The following C19orf12 variants were observed in gnomAD, a reference collection of about 807,000 sequenced individuals.
The protein encoded by C19orf12 is chromosome 19 open reading frame 12.
C19orf12 carries 2 observed loss-of-function variants against 3.8 expected under a neutral mutation model. That is an observed-to-expected ratio of 0.53 (90% confidence interval 0.22 to 1.66). The LOEUF (loss-of-function observed/expected upper bound fraction) is 1.66. Among genes scored for constraint, C19orf12 ranks in the 40% most tolerant of loss-of-function variants. The pLI is 0.20. For synonymous variants in C19orf12, 89 were observed against 84.6 expected (o/e 1.05, Z -0.28); for missense variants, 156 against 188.8 (o/e 0.83, Z 1.02).
At chr19:29,715,008 G>T in intron 1 of C19orf12, 117 bp downstream of exon 1, 1 of 709,424 alleles carries the variant, frequency 1.4e-6, no homozygotes. Flanking sequence ...TCCCGGCAGG[G>T]CGGGGACCCT....
intron 2 of C19orf12, among the ~76,000 whole-genome samples, chr19:29,705,731 G>T (rs1293832669): frequency 6.6e-6 from 1 of 151,724 alleles, no homozygotes; most frequent in Non-Finnish European, 1.5e-5. Context: ...TGCCCAGTCC[G>T]GTCTCGAACT....
At position 29,702,897 on chromosome 19, in the gene C19orf12, G is replaced by A. The variant is rs756687848; in HGVS notation, c.241C>T (p.Pro81Ser). 2 of 1,614,222 alleles carry A rather than the reference G, an allele frequency of 1.2e-6. No homozygotes were observed. Among genetic ancestry groups the A allele is most frequent in the Non-Finnish European group, 1.7e-6 (2 of 1,180,040 alleles). ...AAGAGCCTCTGTTGCTCGGCAGGGG[G>A]CAGCTCCATTAGGATCTGAGGAACC... is the stretch of plus-strand genomic sequence containing the variant. ...KPVPQILMELPPAEQQRLFNE... is the reference protein window; with the variant it reads ...KPVPQILMELSPAEQQRLFNE... Residue 81 changes from proline to serine, a missense_variant, in exon 3 of 3, where the codon CCC (proline) becomes TCC (serine). Coordinates refer to ENST00000323670, the MANE Select transcript of C19orf12 (RefSeq NM_031448.6).
chr19:29,704,973 A>G (rs1330119183), intron 2 of C19orf12, among the ~76,000 whole-genome samples: 2 of 152,242 alleles, frequency 1.3e-5, no homozygotes, highest in Admixed American at 6.5e-5. Context: ...CGATTTTTAA[A>G]TATCACCAAT....
At position 29,702,639 on chromosome 19, in the gene C19orf12, C is replaced by A. The variant is rs1972155990; in HGVS notation, c.*73G>T. 3 of 1,602,928 alleles carry A rather than the reference C, an allele frequency of 1.9e-6. No homozygotes were observed. In the Admixed American group the frequency reaches 5.0e-5, roughly 27 times the overall value. On this transcript the variant is annotated 3_prime_UTR_variant, in exon 3 of 3. Transcript: ENST00000323670. Reference sequence around the variant, plus strand: ...CCCAGGGGGCATCCGCTGGGCTTCTCCCAACTCCCAAGCCACCTCTTCAGA... The same window carrying A: ...CCCAGGGGGCATCCGCTGGGCTTCTACCAACTCCCAAGCCACCTCTTCAGA...
rs1177228420 is a variant in C19orf12 at position 29,701,095 on chromosome 19, C to T, written c.*1617G>A. 2 of 454,146 alleles carry T rather than the reference C, an allele frequency of 4.4e-6. No individual in the cohort carries two copies. Among genetic ancestry groups the T allele is most frequent in the South Asian group, 3.1e-5 (2 of 64,484 alleles). 28.1% of individuals were successfully genotyped at this position (454,146 alleles called of 1,614,324 possible). On this transcript the variant is annotated 3_prime_UTR_variant, in exon 3 of 3. Coordinates refer to ENST00000323670, the MANE Select transcript of C19orf12 (RefSeq NM_031448.6). ...TTTAAAGCCACAAATCTGGTACCTT[C>T]CCTCTTGTTCCATTTGTAAGACTTT... is the stretch of plus-strand genomic sequence containing the variant.
chr19:29,699,623 G>C lies in C19orf12; in HGVS notation c.*3089C>G. On this transcript the variant is annotated 3_prime_UTR_variant, in exon 3 of 3. Coordinates refer to ENST00000323670, the MANE Select transcript of C19orf12 (RefSeq NM_031448.6). Reference sequence around the variant, plus strand: ...AGTTTTTATTTCATTATATTTTCTGGGTTTTTCTAGGTTTTCAGCAACAAA... The same window carrying C: ...AGTTTTTATTTCATTATATTTTCTGCGTTTTTCTAGGTTTTCAGCAACAAA... The C allele has an allele frequency of 2.2e-6, 1 of 453,900 alleles. No individual in the cohort carries two copies. The highest frequency in any genetic ancestry group is 4.4e-6 in the Non-Finnish European group (1 of 226,728). The allele number at this position is 453,900 out of a possible 1,614,324, so 28.1% of individuals were successfully genotyped here. A position where few individuals can be genotyped will look rare whatever the true frequency, so the allele number is the denominator to read the frequency against.
chr19:29,714,157 G>A (rs1242557973), intron 1 of C19orf12, among the ~76,000 whole-genome samples: 2 of 152,088 alleles, frequency 1.3e-5, no homozygotes, highest in African/African-American at 4.8e-5. Flanking sequence ...CGAGTAGCTG[G>A]AACTACAGGT....
At chr19:29,706,251 C>T (rs1462339961) in intron 2 of C19orf12, among the ~76,000 whole-genome samples, 3 of 152,244 alleles carry the variant, frequency 2.0e-5, no homozygotes, top group Non-Finnish European at 4.4e-5. Flanking sequence ...TCCAAGTCGA[C>T]AAGAGTTGCA....
chr19:29,711,597 G>T (rs1338319814), intron 1 of C19orf12, among the ~76,000 whole-genome samples: 4 of 152,178 alleles, frequency 2.6e-5, no homozygotes, highest in Non-Finnish European at 1.5e-5. Flanking sequence ...TGCCATGCTT[G>T]GTCTGCAAGG....
chr19:29,699,458 G>C lies in C19orf12; in HGVS notation c.*3254C>G, dbSNP rs771314625. 2 of 413,200 alleles carry C rather than the reference G, an allele frequency of 4.8e-6. No individual in the cohort carries two copies. Among genetic ancestry groups the C allele is most frequent in the Non-Finnish European group, 9.3e-6 (2 of 215,654 alleles). The allele number at this position is 413,200 out of a possible 1,614,324, so 25.6% of individuals were successfully genotyped here. A position where few individuals can be genotyped will look rare whatever the true frequency, so the allele number is the denominator to read the frequency against. On this transcript the variant is annotated 3_prime_UTR_variant, in exon 3 of 3. Transcript: ENST00000323670. ...AGATCGCGCTACTGCACTCCAGCCC[G>C]GGCGACAGTGCGAGACTCCATCTCA...
In C19orf12 at chr19:29,699,347, G is replaced by C. The variant is rs1391651467; in HGVS notation, c.*3365C>G. On this transcript the variant is annotated 3_prime_UTR_variant, in exon 3 of 3. Coordinates refer to ENST00000323670, the MANE Select transcript of C19orf12 (RefSeq NM_031448.6). ...AAAAAATAAAAATTAGCCGGGCATG[G>C]TGGCGGGCGACTGTAGTCAAAGCTA... is the stretch of plus-strand genomic sequence containing the variant. 8.2e-6 allele frequency: 3 copies of C among 367,178 alleles called. No homozygotes were observed. The highest frequency in any genetic ancestry group is 1.6e-5 in the Non-Finnish European group (3 of 191,562). The allele number at this position is 367,178 out of a possible 1,614,324, so 22.7% of individuals were successfully genotyped here. A position where few individuals can be genotyped will look rare whatever the true frequency, so the allele number is the denominator to read the frequency against.
rs1972190861 is a variant in C19orf12, at chr19:29,702,969, C to G, written c.169G>C (p.Val57Leu). The change falls in exon 3 of 3, where the codon GTC (valine) becomes CTC (leucine). Residue 57 changes from valine to leucine, a missense_variant. Coordinates refer to ENST00000323670, the MANE Select transcript of C19orf12 (RefSeq NM_031448.6). The stretch of plus-strand genomic sequence containing the variant: ...ATCCAGGCACCTAACAGCCCCCCGA[C>G]AGCCCCCCCTAGAAAACATGGAATC... The part of the protein sequence containing the change: ...GPPGLAVGGA[V>L]GGLLGAWMTS... 4 of 1,613,930 alleles carry G rather than the reference C, an allele frequency of 2.5e-6. No individual in the cohort carries two copies. Among genetic ancestry groups the G allele is most frequent in the Admixed American group, 1.7e-5 (1 of 59,996 alleles).
At chr19:29,708,628 G>C (rs1025389803) in intron 1 of C19orf12, 13 of 646,926 alleles carry the variant, frequency 2.0e-5, no homozygotes, top group Admixed American at 9.1e-5. Flanking sequence ...TAAGCAAATA[G>C]CAGCAGCTGA....
chr19:29,700,646 G>T lies in C19orf12; in HGVS notation c.*2066C>A, dbSNP rs747808924. 6.6e-6 allele frequency: 3 copies of T among 454,074 alleles called. No individual in the cohort carries two copies. Among genetic ancestry groups the T allele is most frequent in the South Asian group, 4.7e-5 (3 of 64,444 alleles). The allele number at this position is 454,074 out of a possible 1,614,324, so 28.1% of individuals were successfully genotyped here. ...CTTAAGTGGCATATAAATGATTAAA[G>T]TGGCTTCATTAACTCCAGGAGTGTG... On this transcript the variant is annotated 3_prime_UTR_variant, in exon 3 of 3. Transcript: ENST00000323670.
At chr19:29,711,403 C>T (rs976384703) in intron 1 of C19orf12, among the ~76,000 whole-genome samples, 3 of 152,152 alleles carry the variant, frequency 2.0e-5, no homozygotes, top group African/African-American at 7.2e-5. Flanking sequence ...ACAGTAAAAT[C>T]TTACAAAAAG....
chr19:29,715,012 G>C, intron 1 of C19orf12, 113 bp downstream of exon 1: 1 of 708,510 alleles, frequency 1.4e-6, no homozygotes, highest in Non-Finnish European at 2.6e-6. Flanking sequence ...GGCAGGGCGG[G>C]GACCCTCTCC....
intron 1 of C19orf12, among the ~76,000 whole-genome samples, chr19:29,710,169 CAT>C (rs1327922899): frequency 2.6e-5 from 4 of 152,154 alleles, no homozygotes; most frequent in Non-Finnish European, 4.4e-5. Flanking sequence ...CGTACCCAGA[CAT>C]GTGTGCTTTT....
At chr19:29,708,644 T>C (rs1159677842) in intron 1 of C19orf12, 1 of 612,178 alleles carries the variant, frequency 1.6e-6, no homozygotes. Flanking sequence ...GCTGAGTGGA[T>C]GAAAGGTCTT....
At position 29,701,994 on chromosome 19, in the gene C19orf12, C is replaced by A. The variant is rs770252476; in HGVS notation, c.*718G>T. Reference sequence around the variant, plus strand: ...GAACCCACAATATCTCCGAGATATACCTGTACTTTTTACTAAAAATATTTC... The same window carrying A: ...GAACCCACAATATCTCCGAGATATAACTGTACTTTTTACTAAAAATATTTC... On this transcript the variant is annotated 3_prime_UTR_variant, in exon 3 of 3. Transcript: ENST00000323670. 14 of 453,508 alleles carry A rather than the reference C, an allele frequency of 3.1e-5. No individual in the cohort carries two copies. Among genetic ancestry groups the A allele is most frequent in the Non-Finnish European group, 5.3e-5 (12 of 226,438 alleles). The allele number at this position is 453,508 out of a possible 1,614,324, so 28.1% of individuals were successfully genotyped here. A position where few individuals can be genotyped will look rare whatever the true frequency, so the allele number is the denominator to read the frequency against.
Sources: allele counts gnomAD v4.1 joint callset (sites outside exome capture counted in the v4.1 genomes callset), GRCh38; gene constraint gnomAD v4.1.1; transcripts MANE v1.5; gene names NCBI Gene and HGNC (gene_info 2026-07-23, HGNC 2026-07-21).